Variants in FRMD4A observed in about 807,000 individuals in gnomAD.
FRMD4A encodes the protein FERM domain-containing protein 4A.
Under a neutral mutation model 129.1 loss-of-function variants are expected in FRMD4A, and 29 were observed. That is an observed-to-expected ratio of 0.22 (90% CI 0.17 to 0.31). The LOEUF is 0.31. Among genes scored for constraint, FRMD4A ranks in the 10% least tolerant of loss-of-function variants. FRMD4A has a pLI of 1.00. For synonymous variants in FRMD4A, 634 were observed against 571.6 expected (o/e 1.11, Z -1.56); for missense variants, 1,272 against 1,375.8 (o/e 0.92, Z 1.19).
At chr10:13,678,967 TA>T (rs1201583858) in intron 15 of FRMD4A, among the ~76,000 whole-genome samples, 1 of 152,090 alleles carries the variant, frequency 6.6e-6, no homozygotes, top group Non-Finnish European at 1.5e-5. Context: ...TGTTAACTAT[TA>T]ACATCCTACA....
chr10:14,173,594 T>C (rs1380573508), intron 2 of FRMD4A, among the ~76,000 whole-genome samples: 1 of 152,000 alleles, frequency 6.6e-6, no homozygotes, highest in Non-Finnish European at 1.5e-5. Flanking sequence ...AAAGAGGCTA[T>C]TTCAAGTGGG....
chr10:14,030,754 C>T (rs1396115197), intron 2 of FRMD4A, among the ~76,000 whole-genome samples: 1 of 152,234 alleles, frequency 6.6e-6, no homozygotes, highest in Non-Finnish European at 1.5e-5. Flanking sequence ...GAAGACTACA[C>T]TCTTAGCATC....
intron 2 of FRMD4A, among the ~76,000 whole-genome samples, chr10:14,100,524 C>CGTCAACTTT (rs1837245662): frequency 6.6e-6 from 1 of 152,072 alleles, no homozygotes; most frequent in African/African-American, 2.4e-5. Flanking sequence ...CCTTAAAAGT[C>CGTCAACTTT]TGAATAAATG....
At chr10:14,154,606 A>G (rs967464974) in intron 2 of FRMD4A, among the ~76,000 whole-genome samples, 3 of 152,266 alleles carry the variant, frequency 2.0e-5, no homozygotes, top group Non-Finnish European at 2.9e-5. Context: ...ATCCAAAAAT[A>G]CATAAAATTA....
At chr10:13,867,631 T>TA (rs1224738755) in intron 2 of FRMD4A, among the ~76,000 whole-genome samples, 2 of 75,006 alleles carry the variant, frequency 2.7e-5, no homozygotes, top group East Asian at 3.6e-4. Flanking sequence ...ATGATATAAT[T>TA]ATGATATATA....
At chr10:14,216,662 C>T (rs1303629902) in intron 2 of FRMD4A, among the ~76,000 whole-genome samples, 1 of 152,070 alleles carries the variant, frequency 6.6e-6, no homozygotes, top group Non-Finnish European at 1.5e-5. Flanking sequence ...GCCAGCAAGT[C>T]CTTCTCCTTG....
chr10:13,912,592 G>A (rs539569249), intron 2 of FRMD4A, among the ~76,000 whole-genome samples: 15 of 143,898 alleles, frequency 1.0e-4, no homozygotes, highest in African/African-American at 3.6e-4. Context: ...GCAGTGGCGC[G>A]ATCTCGGCTC....
chr10:14,275,080 A>T (rs1026614509), intron 2 of FRMD4A, among the ~76,000 whole-genome samples: 3 of 152,130 alleles, frequency 2.0e-5, no homozygotes, highest in African/African-American at 7.2e-5. Flanking sequence ...CAATCCTTCA[A>T]AACCCAAACT....
chr10:14,190,089 A>C (rs371189450), intron 2 of FRMD4A, among the ~76,000 whole-genome samples: 3 of 152,208 alleles, frequency 2.0e-5, no homozygotes, highest in East Asian at 1.9e-4. Context: ...TAAATGTCTC[A>C]TAGACACTAC....
chr10:13,846,139 C>T (rs1198220683), intron 3 of FRMD4A, among the ~76,000 whole-genome samples: 5 of 152,246 alleles, frequency 3.3e-5, no homozygotes, highest in African/African-American at 7.2e-5. Context: ...CAAAAATAAG[C>T]GTTCAATTAG....
chr10:14,118,554 A>G (rs1478980829), intron 2 of FRMD4A, among the ~76,000 whole-genome samples: 1 of 152,212 alleles, frequency 6.6e-6, no homozygotes, highest in Non-Finnish European at 1.5e-5. Context: ...TAATAAAGGC[A>G]TACCTGAGGC....
chr10:13,810,126 T>C (rs999282948), intron 4 of FRMD4A, among the ~76,000 whole-genome samples: 6 of 152,250 alleles, frequency 3.9e-5, no homozygotes, highest in African/African-American at 1.4e-4. Context: ...TGTACGTGTG[T>C]GCACAGAGGA....
At chr10:13,727,493 G>A (rs2089984196) in intron 12 of FRMD4A, among the ~76,000 whole-genome samples, 1 of 152,134 alleles carries the variant, frequency 6.6e-6, no homozygotes, top group Admixed American at 6.5e-5. Context: ...GTGGCTCCGG[G>A]GTCATCCTAG....
In FRMD4A at chr10:13,720,398, T is replaced by C. The variant is rs12219785; in HGVS notation, c.760-13285A>G. On this transcript the variant is annotated intron_variant, in intron 12 of 24. Coordinates refer to ENST00000357447, the MANE Select transcript of FRMD4A (RefSeq NM_018027.5). ...TCAATGAGGCCACTATCCACAGACA[T>C]AAGGAGGAGTCTGTGAAATTAGCAG... 0.012 allele frequency among the ~76,000 whole-genome samples: 1,750 copies of C among 152,118 alleles called. 68 individuals are homozygous for C. The South Asian group carries it at 0.12, about 10-fold the overall frequency.
intron 14 of FRMD4A, among the ~76,000 whole-genome samples, chr10:13,701,080 A>G (rs1226570635): frequency 6.6e-6 from 1 of 152,128 alleles, no homozygotes; most frequent in African/African-American, 2.4e-5. Context: ...ATTCCTCAAA[A>G]GGGGCCTACC....
chr10:14,022,194 T>C (rs1319242108), intron 2 of FRMD4A, among the ~76,000 whole-genome samples: 2 of 152,032 alleles, frequency 1.3e-5, no homozygotes, highest in African/African-American at 4.8e-5. Flanking sequence ...TAATGAGTGG[T>C]ACAGAGAGGA....
chr10:14,288,254 G>T (rs904260028), intron 2 of FRMD4A, among the ~76,000 whole-genome samples: 1 of 152,134 alleles, frequency 6.6e-6, no homozygotes, highest in East Asian at 1.9e-4. Context: ...AGGATGCCCC[G>T]TTGCTCCCAA....
intron 2 of FRMD4A, among the ~76,000 whole-genome samples, chr10:13,970,153 G>A (rs903071002): frequency 6.6e-6 from 1 of 152,150 alleles, no homozygotes; most frequent in African/African-American, 2.4e-5. Context: ...GGTCAAATTT[G>A]GAAGGATTTC....
chr10:13,678,237 G>T (rs902403336), intron 15 of FRMD4A, among the ~76,000 whole-genome samples: 2 of 152,140 alleles, frequency 1.3e-5, no homozygotes, highest in Admixed American at 1.3e-4. Context: ...GCCCCTCTCT[G>T]TATCCGCTAA....
Sources: gnomAD v4.1 joint callset for allele counts (sites outside exome capture counted in the v4.1 genomes callset) on GRCh38, gnomAD v4.1.1 for gene constraint, MANE v1.5 for transcripts, NCBI Gene and HGNC (gene_info 2026-07-23, HGNC 2026-07-21) for gene names.